SLC18A2: variants seen among roughly 807,000 people sequenced by gnomAD.
SLC18A2 encodes solute carrier family 18 member A2.
A neutral mutation model predicts 59.2 loss-of-function variants in SLC18A2; 33 were observed. The observed-to-expected ratio is 0.56, with a 90% CI of 0.42 to 0.75. The LOEUF is 0.75. Among genes scored for constraint, SLC18A2 ranks in the 30% least tolerant of loss-of-function variants. SLC18A2 has a pLI of 0.00. For synonymous variants in SLC18A2, 228 were observed against 253.5 expected (o/e 0.90, Z 0.95); for missense variants, 569 against 668.6 (o/e 0.85, Z 1.64).
intron 10 of SLC18A2, among the ~76,000 whole-genome samples, chr10:117,261,192 T>C (rs534256556): frequency 1.2e-5 from 1 of 82,708 alleles, no homozygotes; most frequent in East Asian, 3.6e-4. Context: ...ATCCTGTCTC[T>C]ACAAAAACAA....
chr10:117,265,416 C>G (rs1844337620), intron 10 of SLC18A2, among the ~76,000 whole-genome samples: 1 of 152,120 alleles, frequency 6.6e-6, no homozygotes, highest in Admixed American at 6.5e-5. Context: ...CATCTGATAT[C>G]TACCTGCATG....
At chr10:117,263,547 G>A (rs928976274) in intron 10 of SLC18A2, among the ~76,000 whole-genome samples, 1 of 152,140 alleles carries the variant, frequency 6.6e-6, no homozygotes, top group Non-Finnish European at 1.5e-5. Flanking sequence ...CTTCCACGTC[G>A]CTCCCTTGCC....
Position 117,244,204 on chromosome 10 carries a change from A to T in SLC18A2, c.355A>T (p.Ser119Cys). The change falls in exon 3 of 16, where the codon AGT becomes TGT. Residue 119 changes from serine (S) to cysteine (C), a missense_variant. By Grantham distance (112) the Ser-to-Cys change is moderately radical (BLOSUM62 -1). This residue lies in a region of SLC18A2 where 377 missense variants were observed against 389.8 expected (regional missense o/e 0.97). Transcript: ENST00000644641. ...NASAVPSDCP[S>C]EDKDLLNENV... ...GTCCGCTGTTCCTTCCGACTGTCCCAGTGAAGACAAAGACCTCCTGAATGA... is the reference window on the plus strand; with the variant it reads ...GTCCGCTGTTCCTTCCGACTGTCCCTGTGAAGACAAAGACCTCCTGAATGA... 6.2e-7 allele frequency: 1 copy of T among 1,614,214 alleles called. No homozygotes were observed. Among genetic ancestry groups the T allele is most frequent in the Non-Finnish European group, 8.5e-7 (1 of 1,180,040 alleles).
Position 117,255,604 on chromosome 10 carries a change from A to G in SLC18A2, c.842A>G (p.Lys281Arg), listed in dbSNP as rs1480004945. 1 of 1,614,088 alleles carries G rather than the reference A, an allele frequency of 6.2e-7. No homozygotes were observed. Among genetic ancestry groups the G allele is most frequent in the South Asian group, 1.1e-5 (1 of 91,084 alleles). The change falls in exon 9 of 16, where the codon AAG becomes AGG. Residue 281 changes from lysine to arginine, a missense_variant. Physicochemically the swap from Lys to Arg is conservative, Grantham distance 26 (BLOSUM62 2). Around this residue, in one of 2 missense-constraint regions of SLC18A2, gnomAD observed 377 missense variants for 389.8 expected, o/e 0.97. Transcript: ENST00000644641. ...QPSRVQPESQ[K>R]GTPLTTLLKD... ...GTGTTTTTTTCTTGACAGAGTCAGA[A>G]GGGGACACCCCTAACCACGCTGCTG...
rs1371755892 is a variant in SLC18A2 at position 117,268,993 on chromosome 10, CACAAACACACAT to C, written c.1187-1074_1187-1063del. Among the ~76,000 whole-genome samples, 7 of 18,578 alleles carry C rather than the reference CACAAACACACAT, an allele frequency of 3.8e-4. No individual in the cohort carries two copies. The South Asian group carries it at 9.8e-3, about 26-fold the overall frequency. The allele number at this position is 18,578 out of a possible 152,430, so 12.2% of individuals were successfully genotyped here. A position where few individuals can be genotyped will look rare whatever the true frequency, so the allele number is the denominator to read the frequency against. The stretch of plus-strand genomic sequence containing the variant: ...ATACACAAACACACACATTCATACA[CACAAACACACAT>C]ACACACACTGACACACGCATACACA... On this transcript the variant is annotated intron_variant, in intron 13 of 15. Coordinates refer to ENST00000644641, the MANE Select transcript of SLC18A2 (RefSeq NM_003054.6).
At position 117,266,776 on chromosome 10, in the gene SLC18A2, C is replaced by T. The variant is rs775148933; in HGVS notation, c.1035C>T (p.Thr345=). ...CTAGTATCTCTTATCTCATTGGAACCAATATTTTTGGGATACTTGCACACA... is the reference window on the plus strand; with the variant it reads ...CTAGTATCTCTTATCTCATTGGAACTAATATTTTTGGGATACTTGCACACA... ...LPASISYLIG[T]NIFGILAHKM... The change falls in exon 11 of 16, where the codon ACC becomes ACT. Residue 345 remains threonine (T), a synonymous_variant. Coordinates refer to ENST00000644641, the MANE Select transcript of SLC18A2 (RefSeq NM_003054.6). 6 of 1,613,936 alleles carry T rather than the reference C, an allele frequency of 3.7e-6. No homozygotes were observed. The highest frequency in any genetic ancestry group is 5.1e-6 in the Non-Finnish European group (6 of 1,179,954).
intron 10 of SLC18A2, among the ~76,000 whole-genome samples, chr10:117,265,113 T>C (rs1019994872): frequency 3.9e-5 from 6 of 152,234 alleles, no homozygotes; most frequent in East Asian, 1.9e-4. Flanking sequence ...CCACCACATA[T>C]TGCTAAGCAT....
intron 6 of SLC18A2, among the ~76,000 whole-genome samples, 198 bp downstream of exon 6, chr10:117,254,695 C>T (rs1332568514): frequency 6.6e-6 from 1 of 152,138 alleles, no homozygotes; most frequent in Admixed American, 6.5e-5. Flanking sequence ...GGGATCAGGA[C>T]TTCCCCTGCC....
rs762558224 is a variant in SLC18A2, at chr10:117,255,480, T to C, written c.792T>C (p.Ala264=). ...VLAALVLLDG[A]IQLFVLQPSR... ...GTCTTTTTTATTTTTATTTTTTAGC[T>C]ATTCAGCTCTTTGTGCTCCAGCCGT... The change falls in exon 8 of 16, where the codon GCT becomes GCC. Residue 264 remains alanine (A), a splice_region_variant and synonymous_variant. Transcript: ENST00000644641. 1.9e-6 allele frequency: 3 copies of C among 1,614,100 alleles called. No homozygotes were observed. Among genetic ancestry groups the C allele is most frequent in the Admixed American group, 1.7e-5 (1 of 60,024 alleles).
chr10:117,256,888 G>A (rs1369907438), intron 9 of SLC18A2, among the ~76,000 whole-genome samples: 1 of 152,138 alleles, frequency 6.6e-6, no homozygotes, highest in East Asian at 1.9e-4. Context: ...GGGCTTCCCT[G>A]GAACCTCACT....
At chr10:117,272,938 C>T (rs183708342) in intron 15 of SLC18A2, among the ~76,000 whole-genome samples, 174 of 152,262 alleles carry the variant, frequency 1.1e-3, no homozygotes, top group African/African-American at 3.6e-3. Context: ...GAATCAATGA[C>T]CATGCAGTTG....
rs988414981 is a variant in SLC18A2 at position 117,241,769 on chromosome 10, G to T, written c.76G>T (p.Val26Leu). The change falls in exon 2 of 16, where the codon GTG (valine) becomes TTG (leucine). Residue 26 changes from valine (V) to leucine (L), a missense_variant. Transcript: ENST00000644641. ...CTCGCGGAAGCTCATCCTGTTCATC[G>T]TGTTCCTGGCGCTGCTGCTGGACAA... Reference protein sequence around the residue: ...RRSRKLILFIVFLALLLDNML... With the variant: ...RRSRKLILFILFLALLLDNML... The T allele has an allele frequency of 5.0e-6, 8 of 1,611,282 alleles. No homozygotes were observed. Among genetic ancestry groups the T allele is most frequent in the Non-Finnish European group, 6.8e-6 (8 of 1,179,166 alleles).
At chr10:117,277,050 G>C (rs1055286495) in intron 15 of SLC18A2, 112 bp from the exon 16 acceptor site, 10 of 600,410 alleles carry the variant, frequency 1.7e-5, no homozygotes, top group East Asian at 6.0e-5. Context: ...CTGGTTAATA[G>C]CAAGTAATAC....
chr10:117,257,928 ATTTGTCCCCAGGGCAGCC>A, intron 10 of SLC18A2, 36 bp downstream of exon 10: 2 of 1,462,788 alleles, frequency 1.4e-6, no homozygotes, highest in Admixed American at 1.9e-5. Context: ...ATTCAAGAGC[ATTTGTCCCCAGGGCAGCC>A]TTTGTCCCCA....
chr10:117,266,622 G>A (rs937063355), intron 10 of SLC18A2, 111 bp from the exon 11 acceptor site: 13 of 833,496 alleles, frequency 1.6e-5, no homozygotes, highest in East Asian at 2.5e-5. Context: ...TGTGGGCCCC[G>A]GGGCTTCGTT....
At chr10:117,275,024 C>T (rs1844469142) in intron 15 of SLC18A2, among the ~76,000 whole-genome samples, 2 of 152,170 alleles carry the variant, frequency 1.3e-5, no homozygotes, top group Admixed American at 6.5e-5. Context: ...TTAACCTGCT[C>T]CATCTCTCCA....
intron 9 of SLC18A2, among the ~76,000 whole-genome samples, chr10:117,257,266 G>A (rs941447773): frequency 6.6e-6 from 1 of 152,012 alleles, no homozygotes. Flanking sequence ...ATTTGCATAG[G>A]TGCCCTTATG....
rs1389471334 is a variant in SLC18A2, at chr10:117,255,167, G to GT, written c.701-110_701-109insT. ...AGAACAATAGGGCAGCCACCCCAAA[G>GT]CCTTATTGGAACAAAGTAGAGAGAG... On this transcript the variant is annotated intron_variant, in intron 6 of 15. Transcript: ENST00000644641. The GT allele has an allele frequency of 2.9e-6, 3 of 1,044,532 alleles. No homozygotes were observed. In the African/African-American group the frequency reaches 4.7e-5, roughly 16 times the overall value. 64.7% of individuals were successfully genotyped at this position (1,044,532 alleles called of 1,614,324 possible). A position where few individuals can be genotyped will look rare whatever the true frequency, so the allele number is the denominator to read the frequency against.
intron 12 of SLC18A2, chr10:117,267,287 G>C: frequency 1.9e-6 from 1 of 523,388 alleles, no homozygotes; most frequent in Non-Finnish European, 3.3e-6. Context: ...ATCATCTTAA[G>C]CTTGACAGTG....
Sources: allele counts gnomAD v4.1 joint callset (sites outside exome capture counted in the v4.1 genomes callset), GRCh38; gene constraint gnomAD v4.1.1; regional missense constraint gnomAD v4.1.1; transcripts MANE v1.5; gene names NCBI Gene and HGNC (gene_info 2026-07-23, HGNC 2026-07-21).